Variants in ART5 observed in about 807,000 individuals in gnomAD.
ART5 encodes the protein ADP-ribosyltransferase 5.
In ART5, 22 loss-of-function variants were observed where a neutral mutation model predicts 25.0. The ratio of observed to expected loss-of-function variants is 0.88; its 90% confidence interval spans 0.63 to 1.26. The LOEUF (loss-of-function observed/expected upper bound fraction) is 1.26. Ranked by LOEUF, ART5 falls within the 50% of genes most tolerant of loss-of-function variation. The pLI is 0.00. For missense variants in ART5, 402 were observed against 372.8 expected (o/e 1.08, Z -0.64); for synonymous variants, 161 against 154.8 (o/e 1.04, Z -0.30).
Position 3,639,003 on chromosome 11 carries a change from C to T in ART5, c.820G>A (p.Gly274Arg). 1 of 1,554,186 alleles carries T rather than the reference C, an allele frequency of 6.4e-7. No homozygotes were observed. Among genetic ancestry groups the T allele is most frequent in the Non-Finnish European group, 8.7e-7 (1 of 1,148,614 alleles). The stretch of plus-strand genomic sequence containing the variant: ...GAAGGAGGATGGAAGGGCAACTCAC[C>T]TGGCGCAGACACACAGCCCCGCCTC... ...EKRRGCVSAP[G>R]ALGTGDLHMT... Residue 274 changes from glycine (G) to arginine (R), a missense_variant and splice_region_variant, in exon 3 of 4, where the codon GGA (glycine) becomes AGA (arginine). Coordinates refer to ENST00000397068, the MANE Select transcript of ART5 (RefSeq NM_053017.5).
chr11:3,638,662 C>T lies in ART5; in HGVS notation c.*76G>A, dbSNP rs1314910872. 6.4e-7 allele frequency: 1 copy of T among 1,574,540 alleles called. No individual in the cohort carries two copies. Among genetic ancestry groups the T allele is most frequent in the African/African-American group, 1.4e-5 (1 of 73,918 alleles). On this transcript the variant is annotated 3_prime_UTR_variant, in exon 4 of 4. Transcript: ENST00000397068. ...ACATAGCAGAGTTCCCTCAGCCCTG[C>T]TGTGGCCTCCCCAGGCCAACATCCT... is the stretch of plus-strand genomic sequence containing the variant.
In ART5 at chr11:3,641,762, C is replaced by T. The variant is rs1310341477; in HGVS notation, c.57+44G>A. On this transcript the variant is annotated intron_variant, in intron 1 of 3. Transcript: ENST00000397068. ...CGGGTCCACTTCCTCAGGGTCTGTC[C>T]CTTAATGTCCCCCTTGGGGCTAGGA... 2.6e-6 allele frequency: 4 copies of T among 1,557,504 alleles called. No homozygotes were observed. The South Asian group carries it at 3.5e-5, about 14-fold the overall frequency.
chr11:3,642,152 G>T (rs2077412595), upstream of ART5: 4 of 1,289,624 alleles, frequency 3.1e-6, no homozygotes, highest in Middle Eastern at 3.0e-4. Flanking sequence ...CGCCTGAGAG[G>T]GGAGGGCCGG....
At chr11:3,642,162 G>A (rs1036435775), upstream of ART5, 1 of 1,278,824 alleles carries the variant, frequency 7.8e-7, no homozygotes, top group Non-Finnish European at 9.9e-7. Context: ...GGGAGGGCCG[G>A]GGGCGGAGGA....
In ART5 at chr11:3,641,941, G is replaced by T; in HGVS notation, c.-79C>A. 6.5e-7 allele frequency: 1 copy of T among 1,532,076 alleles called. No homozygotes were observed. 94.9% of individuals were successfully genotyped at this position (1,532,076 alleles called of 1,614,324 possible). ...CTGGAGTCCTGGTTTCGAGGGGCTG[G>T]AGGCAGATCTGGACCCTGTCTCCAG... On this transcript the variant is annotated 5_prime_UTR_variant, in exon 1 of 4. Transcript: ENST00000397068.
In ART5 at chr11:3,638,755, G is replaced by A; in HGVS notation, c.859C>T (p.His287Tyr). 6.2e-7 allele frequency: 1 copy of A among 1,614,142 alleles called. No individual in the cohort carries two copies. The highest frequency in any genetic ancestry group is 8.5e-7 in the Non-Finnish European group (1 of 1,180,018). Residue 287 changes from histidine (H) to tyrosine (Y), a missense_variant, in exon 4 of 4, where the codon CAC (histidine) becomes TAC (tyrosine). Physicochemically the swap from His to Tyr is moderately conservative, Grantham distance 83. Coordinates refer to ENST00000397068, the MANE Select transcript of ART5 (RefSeq NM_053017.5). Reference sequence around the variant, plus strand: ...CTTGCTTCTCAAGGCTGCTGGAGGTGCCTCTTCGTCATATGAAGGTCACCC... The same window carrying A: ...CTTGCTTCTCAAGGCTGCTGGAGGTACCTCTTCGTCATATGAAGGTCACCC... ...GTGDLHMTKR[H>Y]LQQP
chr11:3,642,196 G>T, upstream of ART5: 1 of 1,171,158 alleles, frequency 8.5e-7, no homozygotes, highest in Non-Finnish European at 1.1e-6. Context: ...TGCGGAAGCC[G>T]CCAGCGGGAG....
intron 1 of ART5, among the ~76,000 whole-genome samples, chr11:3,640,856 C>T (rs1244580812): frequency 6.6e-6 from 1 of 152,220 alleles, no homozygotes. Flanking sequence ...ATTCTCCTCT[C>T]TCAGCCTCCC....
rs772682500 is a variant in ART5, at chr11:3,639,900, G to A, written c.529C>T (p.Arg177Cys). ...FEPKRLGDSV[R>C]LGQFASSSLD... is the part of the protein sequence containing the mutation. ...GAGCTGGAGGCAAACTGGCCCAAGCGGACAGAGTCTCCCAGCCTCTTGGGT... is the reference window on the plus strand; with the variant it reads ...GAGCTGGAGGCAAACTGGCCCAAGCAGACAGAGTCTCCCAGCCTCTTGGGT... The change falls in exon 2 of 4, where the codon CGC (arginine) becomes TGC (cysteine). Residue 177 changes from arginine (R) to cysteine (C), a missense_variant. Arg to Cys is a radical substitution (Grantham distance 180, BLOSUM62 -3). Coordinates refer to ENST00000397068, the MANE Select transcript of ART5 (RefSeq NM_053017.5). 28 of 1,614,046 alleles carry A rather than the reference G, an allele frequency of 1.7e-5. No homozygotes were observed. Among genetic ancestry groups the A allele is most frequent in the Middle Eastern group, 1.6e-4 (1 of 6,084 alleles).
At chr11:3,642,198 C>T, upstream of ART5, 1 of 1,171,202 alleles carries the variant, frequency 8.5e-7, no homozygotes, top group Non-Finnish European at 1.1e-6. Context: ...CGGAAGCCGC[C>T]AGCGGGAGGG....
chr11:3,641,876 G>A lies in ART5; in HGVS notation c.-14C>T, dbSNP rs1431277295. 4.5e-6 allele frequency: 7 copies of A among 1,562,600 alleles called. No individual in the cohort carries two copies. Among genetic ancestry groups the A allele is most frequent in the South Asian group, 1.2e-5 (1 of 85,216 alleles). ...CGCCAGCGCCATCCCTGGAGGAGAC[G>A]TGAGGGCCAGGGGTCCGGGTGAGGG... On this transcript the variant is annotated 5_prime_UTR_variant, in exon 1 of 4. It adds an upstream start codon to the 5' untranslated region. Transcript: ENST00000397068.
Position 3,638,542 on chromosome 11 carries a change from C to T in ART5, c.*196G>A, listed in dbSNP as rs1243713142. On this transcript the variant is annotated 3_prime_UTR_variant, in exon 4 of 4. Coordinates refer to ENST00000397068, the MANE Select transcript of ART5 (RefSeq NM_053017.5). ...ACTGCAATACCATTTAATCACGTAG[C>T]TACCTCAATAAAACTCCATGTCTCC... 4.5e-5 allele frequency: 29 copies of T among 642,182 alleles called. 2 individuals are homozygous for T. The South Asian group carries it at 5.4e-4, about 12-fold the overall frequency. The allele number at this position is 642,182 out of a possible 1,614,324, so 39.8% of individuals were successfully genotyped here. A position where few individuals can be genotyped will look rare whatever the true frequency, so the allele number is the denominator to read the frequency against.
chr11:3,639,377 A>G (rs1173538799), intron 2 of ART5, among the ~76,000 whole-genome samples: 3 of 152,100 alleles, frequency 2.0e-5, no homozygotes, highest in Non-Finnish European at 4.4e-5. Flanking sequence ...CTCCTTAACC[A>G]GGTTCTTTTG....
rs2077345740 is a variant in ART5, at chr11:3,638,556, C to T, written c.*182G>A. The T allele has an allele frequency of 1.5e-6, 1 of 689,352 alleles. No homozygotes were observed. 42.7% of individuals were successfully genotyped at this position (689,352 alleles called of 1,614,324 possible). A position where few individuals can be genotyped will look rare whatever the true frequency, so the allele number is the denominator to read the frequency against. ...TAATCACGTAGCTACCTCAATAAAA[C>T]TCCATGTCTCCACATTGCAACACCG... On this transcript the variant is annotated 3_prime_UTR_variant, in exon 4 of 4. Transcript: ENST00000397068.
rs1365524462 is a variant in ART5, at chr11:3,640,048, G to C, written c.381C>G (p.His127Gln). The C allele has an allele frequency of 6.2e-7, 1 of 1,614,188 alleles. No individual in the cohort carries two copies. The highest frequency in any genetic ancestry group is 1.1e-5 in the South Asian group (1 of 91,080). Residue 127 changes from histidine to glutamine, a missense_variant, in exon 2 of 4, where the codon CAC (histidine) becomes CAG (glutamine). His to Gln is a conservative substitution (Grantham distance 24, BLOSUM62 0). Coordinates refer to ENST00000397068, the MANE Select transcript of ART5 (RefSeq NM_053017.5). ...AGAAATGCAGGGCCTTGAAGGGAAA[G>C]TGCCTCATGTAGAGCTCCCGGGAGC... is the stretch of plus-strand genomic sequence containing the variant. The part of the protein sequence containing the change: ...GGGSRELYMR[H>Q]FPFKALHFYL...
rs1308823502 is a variant in ART5, at chr11:3,638,678, C to T, written c.*60G>A. 5 of 1,609,368 alleles carry T rather than the reference C, an allele frequency of 3.1e-6. No individual in the cohort carries two copies. In the East Asian group the frequency reaches 6.7e-5, roughly 22 times the overall value. On this transcript the variant is annotated 3_prime_UTR_variant, in exon 4 of 4. Coordinates refer to ENST00000397068, the MANE Select transcript of ART5 (RefSeq NM_053017.5). ...TCAGCCCTGCTGTGGCCTCCCCAGG[C>T]CAACATCCTGGTTGGGGAGAAGGCT...
At chr11:3,641,665 C>A in intron 1 of ART5, 141 bp downstream of exon 1, 1 of 1,436,148 alleles carries the variant, frequency 7.0e-7, no homozygotes, top group Non-Finnish European at 9.3e-7. Flanking sequence ...GATGGAGGTT[C>A]CTGAGAGGAA....
At chr11:3,642,230 C>T (rs990751437), upstream of ART5, 7 of 1,142,952 alleles carry the variant, frequency 6.1e-6, no homozygotes, top group Non-Finnish European at 7.6e-6. Context: ...CTCTGGCGGG[C>T]GCTGCGCTGT....
In ART5 at chr11:3,640,398, G is replaced by A. The variant is rs368925312; in HGVS notation, c.58-27C>T. On this transcript the variant is annotated intron_variant, in intron 1 of 3. Transcript: ENST00000397068. ...TGTGGAGCAAAAGAGGTGCCACACC[G>A]AAAAGAGCATAAGTTCAGAGCACTG... 4.2e-5 allele frequency: 65 copies of A among 1,558,352 alleles called. 1 individual carries two copies. Among genetic ancestry groups the A allele is most frequent in the Admixed American group, 3.2e-4 (17 of 53,772 alleles).
Sources: gnomAD v4.1 joint callset for allele counts (sites outside exome capture counted in the v4.1 genomes callset) on GRCh38, gnomAD v4.1.1 for gene constraint, MANE v1.5 for transcripts, NCBI Gene and HGNC (gene_info 2026-07-23, HGNC 2026-07-21) for gene names.